Variants in CADPS observed in about 807,000 individuals in gnomAD.
CADPS encodes calcium dependent secretion activator.
A neutral mutation model predicts 167.3 loss-of-function variants in CADPS; 57 were observed. The observed-to-expected ratio is 0.34, with a 90% CI of 0.28 to 0.42. The LOEUF is 0.42. Ranked by LOEUF, CADPS falls within the 20% of genes least tolerant of loss-of-function variation. The pLI is 1.00. For missense variants in CADPS, 1,414 were observed against 1,738.1 expected, an observed-to-expected ratio of 0.81 and a Z score of 3.32; for synonymous variants, 676 against 635.3, an observed-to-expected ratio of 1.06 and a Z score of -0.96.
intron 10 of CADPS, among the ~76,000 whole-genome samples, chr3:62,555,871 G>GCCT (rs372425028): frequency 8.6e-5 from 13 of 151,954 alleles, no homozygotes; most frequent in African/African-American, 3.1e-4. Flanking sequence ...CTCCCTAGTA[G>GCCT]CCTCCCTGTA....
intron 9 of CADPS, among the ~76,000 whole-genome samples, chr3:62,559,876 T>C (rs1275297663): frequency 2.0e-5 from 3 of 152,122 alleles, no homozygotes; most frequent in East Asian, 3.9e-4. Context: ...AAACAGAGAG[T>C]TGCCGACACT....
At chr3:62,560,045 C>T (rs2078880197) in intron 9 of CADPS, among the ~76,000 whole-genome samples, 2 of 148,848 alleles carry the variant, frequency 1.3e-5, no homozygotes, top group South Asian at 4.2e-4. Flanking sequence ...ATGCCCTCTT[C>T]TGGTTATATT....
chr3:62,588,362 T>C (rs1449782279), intron 7 of CADPS, among the ~76,000 whole-genome samples: 2 of 151,990 alleles, frequency 1.3e-5, no homozygotes, highest in Non-Finnish European at 2.9e-5. Flanking sequence ...TTTTTATGTC[T>C]GTGTCCCTTA....
At chr3:62,492,206 A>T in intron 20 of CADPS, 84 bp downstream of exon 20, 2 of 1,155,418 alleles carry the variant, frequency 1.7e-6, no homozygotes, top group Non-Finnish European at 2.6e-6. Context: ...TCAAGCCTGT[A>T]GTCTGCTTGG....
chr3:62,662,729 A>G (rs781105015), intron 3 of CADPS, among the ~76,000 whole-genome samples: 4 of 152,192 alleles, frequency 2.6e-5, no homozygotes, highest in Non-Finnish European at 5.9e-5. Context: ...CGGCAGATGT[A>G]CAAGGAAGGA....
chr3:62,782,601 T>G (rs1489088158), intron 1 of CADPS, among the ~76,000 whole-genome samples: 1 of 152,162 alleles, frequency 6.6e-6, no homozygotes, highest in Non-Finnish European at 1.5e-5. Context: ...TGAATGATGG[T>G]CACATTTCTT....
intron 1 of CADPS, among the ~76,000 whole-genome samples, chr3:62,812,912 C>T (rs2094452452): frequency 6.6e-6 from 1 of 152,106 alleles, no homozygotes; most frequent in Non-Finnish European, 1.5e-5. Context: ...TTTTCTGAGG[C>T]TGTGGATGGC....
At chr3:62,519,037 T>C (rs1019404570) in intron 13 of CADPS, among the ~76,000 whole-genome samples, 1 of 152,192 alleles carries the variant, frequency 6.6e-6, no homozygotes, top group African/African-American at 2.4e-5. Context: ...CATACATATA[T>C]ACTCTATTTG....
chr3:62,869,802 G>A (rs911118190), intron 1 of CADPS, among the ~76,000 whole-genome samples: 9 of 152,100 alleles, frequency 5.9e-5, no homozygotes, highest in African/African-American at 2.2e-4. Flanking sequence ...CTTATTTCTA[G>A]GTTAGAACTC....
At chr3:62,778,084 C>T (rs566785098) in intron 1 of CADPS, among the ~76,000 whole-genome samples, 1 of 152,306 alleles carries the variant, frequency 6.6e-6, no homozygotes, top group Admixed American at 6.5e-5. Context: ...ATGACTCTTG[C>T]TCCATCTGAC....
intron 6 of CADPS, among the ~76,000 whole-genome samples, chr3:62,643,137 G>A (rs898389865): frequency 6.6e-6 from 1 of 152,172 alleles, no homozygotes; most frequent in Non-Finnish European, 1.5e-5. Flanking sequence ...AAGGAAGAGA[G>A]GAAGACACAC....
chr3:62,617,503 G>A (rs2062502755), intron 6 of CADPS, among the ~76,000 whole-genome samples: 1 of 152,140 alleles, frequency 6.6e-6, no homozygotes, highest in South Asian at 2.1e-4. Context: ...TATCCCCTGT[G>A]CTTAGAGTTA....
At chr3:62,597,694 A>AT (rs1169971265) in intron 6 of CADPS, among the ~76,000 whole-genome samples, 1 of 152,130 alleles carries the variant, frequency 6.6e-6, no homozygotes, top group Admixed American at 6.5e-5. Flanking sequence ...GCTGGACGGA[A>AT]TTCAGGCCGC....
At chr3:62,630,005 A>G (rs1292687338) in intron 6 of CADPS, among the ~76,000 whole-genome samples, 1 of 151,854 alleles carries the variant, frequency 6.6e-6, no homozygotes, top group Non-Finnish European at 1.5e-5. Flanking sequence ...ACTCTGTTTA[A>G]TTTTTTTCAT....
intron 17 of CADPS, among the ~76,000 whole-genome samples, chr3:62,506,314 G>C (rs1195305516): frequency 1.3e-5 from 2 of 152,088 alleles, no homozygotes; most frequent in Non-Finnish European, 2.9e-5. Context: ...CTTGGACCCG[G>C]GAGGCGGAGG....
intron 12 of CADPS, among the ~76,000 whole-genome samples, chr3:62,534,839 G>A (rs1165940523): frequency 6.6e-6 from 1 of 152,072 alleles, no homozygotes; most frequent in Admixed American, 6.6e-5. Flanking sequence ...TACAAATGGG[G>A]AAGGAAGCTA....
chr3:62,505,739 A>T (rs1027336685), intron 17 of CADPS, among the ~76,000 whole-genome samples: 2 of 152,170 alleles, frequency 1.3e-5, no homozygotes, highest in Non-Finnish European at 2.9e-5. Context: ...TCCTCTGTCG[A>T]TGCTTCTACT....
intron 1 of CADPS, among the ~76,000 whole-genome samples, chr3:62,784,735 C>T (rs1252569721): frequency 1.5e-5 from 2 of 132,848 alleles, no homozygotes; most frequent in Non-Finnish European, 3.1e-5. Context: ...GATCTAGTAT[C>T]TTCAAGTAAA....
chr3:62,462,840 T>C (rs1290916629), intron 26 of CADPS, among the ~76,000 whole-genome samples: 1 of 152,154 alleles, frequency 6.6e-6, no homozygotes, highest in Non-Finnish European at 1.5e-5. Context: ...CATTTGGAAT[T>C]TGGGCAGGAA....
Sources: allele counts gnomAD v4.1 joint callset (sites outside exome capture counted in the v4.1 genomes callset), GRCh38; gene constraint gnomAD v4.1.1; transcripts MANE v1.5; gene names NCBI Gene and HGNC (gene_info 2026-07-23, HGNC 2026-07-21).